The following NTRK3 variants were observed in gnomAD, a reference collection of about 807,000 sequenced individuals.
NTRK3 encodes the protein neurotrophic receptor tyrosine kinase 3.
NTRK3 carries 24 observed loss-of-function variants against 91.7 expected under a neutral mutation model. The ratio of observed to expected loss-of-function variants is 0.26; its 90% confidence interval spans 0.19 to 0.37. The LOEUF is 0.37. NTRK3 is among the 10% of genes least tolerant of loss of function. The probability of loss-of-function intolerance (pLI) is 1.00; values close to 1 mark genes in which losing one functional copy is unlikely to be tolerated. For missense variants in NTRK3, 880 were observed against 1,068.9 expected (o/e 0.82, Z 2.46); for synonymous variants, 483 against 404.0 (o/e 1.20, Z -2.34).
chr15:88,130,204 G>T (rs567556994), intron 10 of NTRK3, among the ~76,000 whole-genome samples: 13 of 152,120 alleles, frequency 8.5e-5, no homozygotes, highest in African/African-American at 3.1e-4. Flanking sequence ...ACCAGCCATA[G>T]AACAAAATAA....
chr15:88,197,324 C>A (rs975327926), intron 3 of NTRK3, among the ~76,000 whole-genome samples: 2 of 152,114 alleles, frequency 1.3e-5, no homozygotes, highest in African/African-American at 4.8e-5. Context: ...CTATCTTAGA[C>A]AGCCTCATGC....
At chr15:88,119,522 C>G (rs1021990168) in intron 13 of NTRK3, among the ~76,000 whole-genome samples, 20 of 152,158 alleles carry the variant, frequency 1.3e-4, no homozygotes, top group Admixed American at 1.2e-3. Context: ...TAGGAGAATA[C>G]GAGGACCCTG....
At chr15:87,932,660 C>T (rs1029712149) in intron 16 of NTRK3, among the ~76,000 whole-genome samples, 2 of 152,144 alleles carry the variant, frequency 1.3e-5, no homozygotes. Context: ...AGGGAGAAAG[C>T]TATTTGCAAC....
intron 13 of NTRK3, chr15:88,072,842 C>G (rs1227455152): frequency 8.6e-6 from 2 of 232,952 alleles, no homozygotes; most frequent in Non-Finnish European, 1.7e-5. Context: ...CCATCATGGG[C>G]CAATCCGGAG....
chr15:87,940,638 C>A (rs2142017505), exon 15 of NTRK3: 1 of 1,613,964 alleles, frequency 6.2e-7, no homozygotes, highest in Non-Finnish European at 8.5e-7. Context: ...CAGCCACAAG[C>A]ATCTTGTCCT....
At chr15:88,231,884 T>A (rs2051216688) in intron 3 of NTRK3, among the ~76,000 whole-genome samples, 1 of 152,218 alleles carries the variant, frequency 6.6e-6, no homozygotes, top group African/African-American at 2.4e-5. Flanking sequence ...TATCTCCTAC[T>A]TTTCACTATT....
intron 14 of NTRK3, among the ~76,000 whole-genome samples, chr15:88,002,177 T>G (rs1403456246): frequency 2.7e-5 from 4 of 146,148 alleles, no homozygotes; most frequent in Non-Finnish European, 4.5e-5. Context: ...TGTTTTTTTT[T>G]TTTTTTTTTT....
chr15:88,204,558 T>A (rs2048579278), intron 3 of NTRK3, among the ~76,000 whole-genome samples: 1 of 152,182 alleles, frequency 6.6e-6, no homozygotes. Flanking sequence ...CTTATCACAG[T>A]CTGTTTTGGG....
intron 17 of NTRK3, among the ~76,000 whole-genome samples, chr15:87,896,636 T>A (rs1005938733): frequency 2.6e-5 from 4 of 152,124 alleles, no homozygotes; most frequent in Non-Finnish European, 5.9e-5. Context: ...CCCCAGTTTG[T>A]GTGGGTGCAT....
chr15:88,091,426 C>T (rs2049003281), intron 13 of NTRK3, among the ~76,000 whole-genome samples: 1 of 152,238 alleles, frequency 6.6e-6, no homozygotes, highest in Admixed American at 6.5e-5. Context: ...TTTACCTTCA[C>T]TTATCGTTTC....
At chr15:87,897,068 CTG>C (rs2066169515) in intron 17 of NTRK3, among the ~76,000 whole-genome samples, 1 of 152,186 alleles carries the variant, frequency 6.6e-6, no homozygotes, top group Non-Finnish European at 1.5e-5. Context: ...AGTGGAACGG[CTG>C]TCTCAGTCTG....
Position 88,233,602 on chromosome 15 carries a change from T to C in NTRK3, c.248+22304A>G, listed in dbSNP as rs1207149419. ...AATTTGCAGGCTAGCCCTACTGTCC[T>C]GAAACTCCAAAACTCTCTTCCTTCC... On this transcript the variant is annotated intron_variant, in intron 3 of 18. Transcript: ENST00000394480. The surrounding 1 kb of genome is among the most constrained non-coding windows in gnomAD (Gnocchi z 4.2). 6.6e-6 allele frequency among the ~76,000 whole-genome samples: 1 copy of C among 152,168 alleles called. No homozygotes were observed. The highest frequency in any genetic ancestry group is 2.4e-5 in the African/African-American group (1 of 41,436).
At chr15:87,866,444 TAC>T (rs981116254) in exon 19 of NTRK3, 9 of 165,304 alleles carry the variant, frequency 5.4e-5, no homozygotes, top group South Asian at 2.0e-4. Flanking sequence ...TATATATATA[TAC>T]ACACACACCC....
intron 3 of NTRK3, among the ~76,000 whole-genome samples, chr15:88,239,495 T>C (rs1418870064): frequency 6.6e-6 from 1 of 152,202 alleles, no homozygotes; most frequent in Non-Finnish European, 1.5e-5. Context: ...GAGTCTGGAA[T>C]GGCATTCTGT....
At chr15:88,133,937 T>G (rs1268800781) in intron 10 of NTRK3, among the ~76,000 whole-genome samples, 2 of 152,198 alleles carry the variant, frequency 1.3e-5, no homozygotes, top group African/African-American at 4.8e-5. Context: ...TCTCAGGGCC[T>G]CCAGTACGAG....
intron 18 of NTRK3, among the ~76,000 whole-genome samples, chr15:87,877,478 G>A (rs1235167163): frequency 1.3e-5 from 2 of 152,048 alleles, no homozygotes; most frequent in African/African-American, 4.8e-5. Flanking sequence ...ACTTGATAGT[G>A]GACATGGGCT....
intron 3 of NTRK3, among the ~76,000 whole-genome samples, chr15:88,212,643 C>T (rs2049353469): frequency 6.6e-6 from 1 of 152,016 alleles, no homozygotes; most frequent in Non-Finnish European, 1.5e-5. Context: ...CTTCTCCCAG[C>T]TCCTCCTACC....
At chr15:88,053,422 T>C (rs1008532972) in intron 13 of NTRK3, among the ~76,000 whole-genome samples, 10 of 152,166 alleles carry the variant, frequency 6.6e-5, no homozygotes, top group Non-Finnish European at 1.3e-4. Flanking sequence ...AGCCGGACCA[T>C]GCAAAGGGTA....
chr15:87,896,300 G>C (rs565602217), intron 17 of NTRK3, among the ~76,000 whole-genome samples: 1 of 152,134 alleles, frequency 6.6e-6, no homozygotes, highest in African/African-American at 2.4e-5. Flanking sequence ...GTGAAACCCT[G>C]TCTCTACTAA....
Sources: allele counts gnomAD v4.1 joint callset (sites outside exome capture counted in the v4.1 genomes callset), GRCh38; gene constraint gnomAD v4.1.1; non-coding constraint Gnocchi (gnomAD v3.1); transcripts MANE v1.5; gene names NCBI Gene and HGNC (gene_info 2026-07-23, HGNC 2026-07-21).